The following ANKRD44 variants were observed in gnomAD, a reference collection of about 807,000 sequenced individuals.
ANKRD44 encodes serine/threonine-protein phosphatase 6 regulatory ankyrin repeat subunit B.
Under a neutral mutation model 116.0 loss-of-function variants are expected in ANKRD44, and 35 were observed. The ratio of observed to expected loss-of-function variants is 0.30; its 90% confidence interval spans 0.23 to 0.40. The LOEUF is 0.40. Ranked by LOEUF, ANKRD44 falls within the 10% of genes least tolerant of loss-of-function variation. The pLI is 1.00. For synonymous variants in ANKRD44, 435 were observed against 461.8 expected (o/e 0.94, Z 0.74); for missense variants, 1,014 against 1,242.6 (o/e 0.82, Z 2.77).
chr2:196,998,105 T>C (rs1045917466), intron 25 of ANKRD44, among the ~76,000 whole-genome samples: 4 of 152,180 alleles, frequency 2.6e-5, no homozygotes, highest in African/African-American at 2.4e-5. Context: ...GCAAATGCCA[T>C]GAAAAGCATG....
At chr2:197,173,755 G>A (rs573257421) in intron 2 of ANKRD44, among the ~76,000 whole-genome samples, 10 of 152,050 alleles carry the variant, frequency 6.6e-5, no homozygotes, top group South Asian at 4.2e-4. Context: ...CTTACAGCCC[G>A]GGTGTGGTGG....
At chr2:197,108,988 G>T (rs1056092720) in intron 9 of ANKRD44, among the ~76,000 whole-genome samples, 1 of 152,224 alleles carries the variant, frequency 6.6e-6, no homozygotes, top group South Asian at 2.1e-4. Context: ...TGGGACTGTT[G>T]TAAGCATGCC....
chr2:197,092,670 T>A (rs1176932845), intron 10 of ANKRD44, among the ~76,000 whole-genome samples: 4 of 152,148 alleles, frequency 2.6e-5, no homozygotes, highest in Non-Finnish European at 4.4e-5. Context: ...GGCAGCATCA[T>A]GTGGAGGAGA....
At chr2:197,092,266 A>G (rs2078058640) in intron 10 of ANKRD44, among the ~76,000 whole-genome samples, 1 of 152,214 alleles carries the variant, frequency 6.6e-6, no homozygotes, top group Non-Finnish European at 1.5e-5. Context: ...ATCTGTTTAC[A>G]CCCTACAGCA....
intron 2 of ANKRD44, among the ~76,000 whole-genome samples, chr2:197,183,923 T>C (rs1414204599): frequency 6.6e-6 from 1 of 152,210 alleles, no homozygotes; most frequent in Non-Finnish European, 1.5e-5. Flanking sequence ...CACATCACTT[T>C]ATCAGGTCCT....
At chr2:197,020,666 G>A (rs965360246) in intron 17 of ANKRD44, among the ~76,000 whole-genome samples, 1 of 152,046 alleles carries the variant, frequency 6.6e-6, no homozygotes, top group African/African-American at 2.4e-5. Context: ...CTAGTTTGTA[G>A]CTCCTGAATT....
intron 1 of ANKRD44, among the ~76,000 whole-genome samples, chr2:197,297,709 C>T (rs1483852875): frequency 1.3e-5 from 2 of 152,096 alleles, no homozygotes; most frequent in African/African-American, 4.8e-5. Context: ...GGAAATTGTT[C>T]GGTTAGATGC....
chr2:197,126,375 C>T (rs539797324), intron 4 of ANKRD44, among the ~76,000 whole-genome samples: 1 of 152,154 alleles, frequency 6.6e-6, no homozygotes, highest in African/African-American at 2.4e-5. Context: ...GGTAAAATAA[C>T]CATAGACAAA....
intron 16 of ANKRD44, among the ~76,000 whole-genome samples, chr2:197,032,390 C>CTTT (rs71012944): frequency 7.8e-5 from 11 of 140,812 alleles, no homozygotes; most frequent in East Asian, 2.1e-4. Context: ...GGAAGTGTCA[C>CTTT]TTTTTTTTTT....
At chr2:197,122,617 T>C (rs780452455) in intron 7 of ANKRD44, 33 bp downstream of exon 7, 4 of 1,594,244 alleles carry the variant, frequency 2.5e-6, no homozygotes, top group East Asian at 4.5e-5. Context: ...ACAAATACAC[T>C]GGCCATGCAT....
At position 197,308,170 on chromosome 2, in the gene ANKRD44, C is replaced by A. The variant is rs67764593; in HGVS notation, c.27+2408G>T. ...AGACCCTGACACACACACACACACA[C>A]ACAAAAAAAAAAAAGGAGGGAGAAA... On this transcript the variant is annotated intron_variant, in intron 1 of 27. Transcript: ENST00000282272. Among the ~76,000 whole-genome samples the A allele has an allele frequency of 8.2e-4, 64 of 77,654 alleles. No individual in the cohort carries two copies. The South Asian group carries it at 0.015, about 19-fold the overall frequency. 50.9% of individuals were successfully genotyped at this position (77,654 alleles called of 152,430 possible). A position where few individuals can be genotyped will look rare whatever the true frequency, so the allele number is the denominator to read the frequency against.
intron 1 of ANKRD44, among the ~76,000 whole-genome samples, chr2:197,209,166 A>G (rs1329869289): frequency 6.6e-6 from 1 of 152,222 alleles, no homozygotes; most frequent in Non-Finnish European, 1.5e-5. Flanking sequence ...CTTCGAATAG[A>G]CCAAATCCTG....
At chr2:197,090,719 G>GA (rs1412026925) in intron 10 of ANKRD44, among the ~76,000 whole-genome samples, 1 of 151,942 alleles carries the variant, frequency 6.6e-6, no homozygotes, top group East Asian at 1.9e-4. Flanking sequence ...ACTACCCATG[G>GA]CCCTCCCCCA....
At chr2:196,989,965 A>G in intron 27 of ANKRD44, 1 of 1,045,598 alleles carries the variant, frequency 9.6e-7, no homozygotes, top group African/African-American at 1.7e-5. Flanking sequence ...TTTCACCTGA[A>G]ATGTTATTAG....
intron 1 of ANKRD44, among the ~76,000 whole-genome samples, chr2:197,266,999 G>T (rs1342105417): frequency 6.6e-6 from 1 of 152,086 alleles, no homozygotes; most frequent in East Asian, 1.9e-4. Context: ...TGTCTGTTTT[G>T]CTCTGTAACA....
intron 16 of ANKRD44, among the ~76,000 whole-genome samples, chr2:197,041,347 C>T (rs1204517452): frequency 1.3e-5 from 2 of 152,164 alleles, no homozygotes; most frequent in African/African-American, 4.8e-5. Context: ...GCTACCCTCT[C>T]CTGGTTCCCA....
At chr2:197,300,315 G>C (rs2083861655) in intron 1 of ANKRD44, among the ~76,000 whole-genome samples, 1 of 152,020 alleles carries the variant, frequency 6.6e-6, no homozygotes, top group Admixed American at 6.5e-5. Flanking sequence ...TAGTCACCAG[G>C]TTACCTGAAA....
chr2:197,264,169 A>G (rs1255597658), intron 1 of ANKRD44, among the ~76,000 whole-genome samples: 1 of 152,222 alleles, frequency 6.6e-6, no homozygotes, highest in Admixed American at 6.5e-5. Context: ...TCCCATAGTG[A>G]TAGAAGATGG....
At position 196,989,269 on chromosome 2, in the gene ANKRD44, C is replaced by G; in HGVS notation, c.*322G>C. 1 of 977,588 alleles carries G rather than the reference C, an allele frequency of 1.0e-6. No homozygotes were observed. Among genetic ancestry groups the G allele is most frequent in the Non-Finnish European group, 1.2e-6 (1 of 827,170 alleles). The allele number at this position is 977,588 out of a possible 1,614,324, so 60.6% of individuals were successfully genotyped here. A position where few individuals can be genotyped will look rare whatever the true frequency, so the allele number is the denominator to read the frequency against. On this transcript the variant is annotated 3_prime_UTR_variant, in exon 28 of 28. Coordinates refer to ENST00000282272, the MANE Select transcript of ANKRD44 (RefSeq NM_001195144.2). ...CAGCAAAAGTATATGGACATTTTCT[C>G]TAGTTTGGCAAAAAAAAAAAAAAAG...
Sources: gnomAD v4.1 joint callset for allele counts (sites outside exome capture counted in the v4.1 genomes callset) on GRCh38, gnomAD v4.1.1 for gene constraint, MANE v1.5 for transcripts, NCBI Gene and HGNC (gene_info 2026-07-23, HGNC 2026-07-21) for gene names.